PRSS22: variants seen among roughly 807,000 people sequenced by gnomAD.
The protein encoded by PRSS22 is brain-specific serine protease 4.
PRSS22 carries 26 observed loss-of-function variants against 28.0 expected under a neutral mutation model. That is an observed-to-expected ratio of 0.93 (90% confidence interval 0.68 to 1.29). PRSS22 has a LOEUF of 1.29. Among genes scored for constraint, PRSS22 ranks in the 50% most tolerant of loss-of-function variants. PRSS22 has a pLI of 0.00. For missense variants in PRSS22, 444 were observed against 422.1 expected, an observed-to-expected ratio of 1.05 and a Z score of -0.46; for synonymous variants, 217 against 177.9, an observed-to-expected ratio of 1.22 and a Z score of -1.75.
intron 4 of PRSS22, among the ~76,000 whole-genome samples, chr16:2,854,794 T>C (rs562234700): frequency 6.6e-6 from 1 of 152,198 alleles, no homozygotes; most frequent in Admixed American, 6.5e-5. Flanking sequence ...TTTGAGATGA[T>C]GTTTTCCAAA....
At chr16:2,854,303 T>C in intron 4 of PRSS22, 1 of 378,956 alleles carries the variant, frequency 2.6e-6, no homozygotes, top group South Asian at 3.8e-5. Context: ...TCTCAGATAC[T>C]GCATTACTTC....
At chr16:2,854,291 T>C in intron 4 of PRSS22, 1 of 416,554 alleles carries the variant, frequency 2.4e-6, no homozygotes, top group Non-Finnish European at 4.4e-6. Context: ...GAGCCCTTCC[T>C]GTCTCAGATA....
rs2069480595 is a variant in PRSS22, at chr16:2,858,093, A to G, written c.12T>C (p.Ser4=). MVV[S]GAPPALGGGC... ...CCCCACCCAGGGCTGGGGGCGCTCC[A>G]GAAACCACCATGGCTGGTGGGGCGG... The change falls in exon 1 of 6, where the codon TCT becomes TCC. Residue 4 remains serine, a synonymous_variant. Transcript: ENST00000161006. 1 of 1,269,214 alleles carries G rather than the reference A, an allele frequency of 7.9e-7. No individual in the cohort carries two copies. Among genetic ancestry groups the G allele is most frequent in the Non-Finnish European group, 1.0e-6 (1 of 999,830 alleles). 78.6% of individuals were successfully genotyped at this position (1,269,214 alleles called of 1,614,324 possible). A position where few individuals can be genotyped will look rare whatever the true frequency, so the allele number is the denominator to read the frequency against.
Position 2,853,175 on chromosome 16 carries a change from C to T in PRSS22, c.872G>A (p.Gly291Glu). The T allele has an allele frequency of 6.3e-7, 1 of 1,599,478 alleles. No homozygotes were observed. Among genetic ancestry groups the T allele is most frequent in the Non-Finnish European group, 8.5e-7 (1 of 1,179,680 alleles). Residue 291 changes from glycine to glutamate, a missense_variant, in exon 6 of 6, where the codon GGG (glycine) becomes GAG (glutamate). By Grantham distance (98) the Gly-to-Glu change is moderately conservative (BLOSUM62 -2). Coordinates refer to ENST00000161006, the MANE Select transcript of PRSS22 (RefSeq NM_022119.4). This position sits in a 1 kb window ranked among gnomAD's most constrained non-coding sequence, Gnocchi z 4.6. ...HRSWVEKIVQ[G>E]VQLRGRAQGG... ...CTGAGCGCGCCCGCGGAGCTGCACC[C>T]CTTGCACGATCTTCTCCACCCAGGA...
intron 1 of PRSS22, chr16:2,857,088 G>C (rs1293183962): frequency 1.0e-5 from 6 of 592,308 alleles, no homozygotes; most frequent in South Asian, 2.0e-5. Flanking sequence ...CCAGTACCCA[G>C]TGAGGAGGGT....
rs932119160 is a variant in PRSS22, at chr16:2,852,873, T to C, written c.*220A>G. On this transcript the variant is annotated 3_prime_UTR_variant, in exon 6 of 6. Coordinates refer to ENST00000161006, the MANE Select transcript of PRSS22 (RefSeq NM_022119.4). ...GCCGGAAGTCGTGGGGGCGGGGACA[T>C]GAGGCCGTTGGGCGGGGCCTGATGC... 7.9e-6 allele frequency: 4 copies of C among 505,508 alleles called. No homozygotes were observed. Among genetic ancestry groups the C allele is most frequent in the African/African-American group, 2.6e-5 (1 of 38,038 alleles). 31.3% of individuals were successfully genotyped at this position (505,508 alleles called of 1,614,324 possible).
At position 2,858,156 on chromosome 16, in the gene PRSS22, C is replaced by A. The variant is rs1158785993; in HGVS notation, c.-52G>T. The stretch of plus-strand genomic sequence containing the variant: ...CAGGCTCGAGAGACCCAGGGCGATG[C>A]GGGTCAGGGTGTGTAGGTTCCCTGC... On this transcript the variant is annotated 5_prime_UTR_variant, in exon 1 of 6. Coordinates refer to ENST00000161006, the MANE Select transcript of PRSS22 (RefSeq NM_022119.4). 5 of 1,247,470 alleles carry A rather than the reference C, an allele frequency of 4.0e-6. No homozygotes were observed. The highest frequency in any genetic ancestry group is 5.0e-6 in the Non-Finnish European group (5 of 991,510). The allele number at this position is 1,247,470 out of a possible 1,614,324, so 77.3% of individuals were successfully genotyped here.
At chr16:2,856,922 C>T (rs541710230) in intron 1 of PRSS22, 74 bp from the exon 2 acceptor site, 997 of 1,512,770 alleles carry the variant, frequency 6.6e-4, no homozygotes, top group Non-Finnish European at 8.5e-4. Context: ...CCTCAACGCC[C>T]AGTGAGGAAG....
Position 2,855,663 on chromosome 16 carries a change from A to G in PRSS22, c.470T>C (p.Val157Ala). The change falls in exon 4 of 6, where the codon GTC becomes GCC. Residue 157 changes from valine (V) to alanine (A), a missense_variant. Transcript: ENST00000161006. ...LERSIQFSER[V>A]LPICLPDASI... The stretch of plus-strand genomic sequence containing the variant: ...GGCATCAGGTAGGCAGATGGGCAGG[A>G]CCCGCTCTGAGAACTGTATGGAGCG... 2 of 1,614,030 alleles carry G rather than the reference A, an allele frequency of 1.2e-6. No individual in the cohort carries two copies. Among genetic ancestry groups the G allele is most frequent in the East Asian group, 2.2e-5 (1 of 44,872 alleles).
chr16:2,855,851 G>T lies in PRSS22; in HGVS notation c.282C>A (p.Asp94Glu). The change falls in exon 4 of 6, where the codon GAC (aspartate) becomes GAA (glutamate). Residue 94 changes from aspartate to glutamate, a missense_variant and splice_region_variant. Transcript: ENST00000161006. ...AGAACAGGTATGGTTTGTTCAGGTT[G>T]CTGGAAGGAAAGGGAAGGGGAGGAT... ...WVITAAHCFK[D>E]NLNKPYLFSV... The T allele has an allele frequency of 6.2e-7, 1 of 1,610,440 alleles. No individual in the cohort carries two copies. Among genetic ancestry groups the T allele is most frequent in the Non-Finnish European group, 8.5e-7 (1 of 1,179,006 alleles).
chr16:2,855,354 A>T (rs1375111155), intron 4 of PRSS22, among the ~76,000 whole-genome samples: 1 of 146,340 alleles, frequency 6.8e-6, no homozygotes, highest in Non-Finnish European at 1.5e-5. Flanking sequence ...TCTCAAAAAA[A>T]AAAAAAAAAA....
rs1567291587 is a variant in PRSS22 at position 2,857,260 on chromosome 16, GTCCCCAGCGCCCAGTGAGGAGGGC to G, written c.83-436_83-413del. The stretch of plus-strand genomic sequence containing the variant: ...GTTCCCCAGCGCCCAGTGAGGAGGG[GTCCCCAGCGCCCAGTGAGGAGGGC>G]TCCCCAGCGCCCAGTGAGGAGGGGT... On this transcript the variant is annotated intron_variant, in intron 1 of 5. Coordinates refer to ENST00000161006, the MANE Select transcript of PRSS22 (RefSeq NM_022119.4). The G allele has an allele frequency of 2.9e-3, 431 of 151,160 alleles. 2 individuals carry two copies. The highest frequency in any genetic ancestry group is 0.013 in the African/African-American group (345 of 25,646). The allele number at this position is 151,160 out of a possible 1,614,324, so 9.4% of individuals were successfully genotyped here.
chr16:2,852,907 C>T lies in PRSS22; in HGVS notation c.*186G>A, dbSNP rs1406240022. 158 of 517,066 alleles carry T rather than the reference C, an allele frequency of 3.1e-4. No individual in the cohort carries two copies. The highest frequency in any genetic ancestry group is 4.4e-4 in the Non-Finnish European group (136 of 308,510). The allele number at this position is 517,066 out of a possible 1,614,324, so 32.0% of individuals were successfully genotyped here. ...TGGGCGGGGCCTGATGCCTTGGAGG[C>T]GGGGCCTGAGGCCGTCGGGCGGGTC... On this transcript the variant is annotated 3_prime_UTR_variant, in exon 6 of 6. Coordinates refer to ENST00000161006, the MANE Select transcript of PRSS22 (RefSeq NM_022119.4).
At position 2,855,783 on chromosome 16, in the gene PRSS22, C is replaced by G. The variant is rs143806431; in HGVS notation, c.350G>C (p.Arg117Pro). The change falls in exon 4 of 6, where the codon CGG (arginine) becomes CCG (proline). Residue 117 changes from arginine (R) to proline (P), a missense_variant. Arg to Pro is a moderately radical substitution (Grantham distance 103, BLOSUM62 -2). Coordinates refer to ENST00000161006, the MANE Select transcript of PRSS22 (RefSeq NM_022119.4). The stretch of plus-strand genomic sequence containing the variant: ...CCAGGCAACACCCACCTTCTGGGAC[C>G]GAGAGCCAGGGTTCCCCAGCTGCCA... Reference protein sequence around the residue: ...GAWQLGNPGSRSQKVGVAWVE... With the variant: ...GAWQLGNPGSPSQKVGVAWVE... 4.3e-6 allele frequency: 7 copies of G among 1,613,882 alleles called. No homozygotes were observed. Among genetic ancestry groups the G allele is most frequent in the African/African-American group, 1.3e-5 (1 of 74,880 alleles).
chr16:2,857,970 G>C (rs1199175057), intron 1 of PRSS22, 53 bp downstream of exon 1: 11 of 1,226,656 alleles, frequency 9.0e-6, no homozygotes, highest in Non-Finnish European at 1.1e-5. Flanking sequence ...GAGGGAAGGA[G>C]GGAAGGAGGG....
chr16:2,857,940 C>T, intron 1 of PRSS22, 83 bp downstream of exon 1: 1 of 1,070,840 alleles, frequency 9.3e-7, no homozygotes, highest in Non-Finnish European at 1.2e-6. Context: ...AGAGGCAAGG[C>T]CAGGAGGGAG....
intron 2 of PRSS22, 80 bp from the exon 3 acceptor site, chr16:2,856,333 C>A (rs2069456743): frequency 1.4e-6 from 2 of 1,454,124 alleles, no homozygotes; most frequent in African/African-American, 1.4e-5. Context: ...GCCTGCACCC[C>A]AAGCTTTGCC....
chr16:2,857,735 A>G (rs1307756852), intron 1 of PRSS22: 1 of 309,710 alleles, frequency 3.2e-6, no homozygotes, highest in Non-Finnish European at 5.9e-6. Flanking sequence ...AGAGGCAAGC[A>G]GCGGAGGACG....
intron 2 of PRSS22, 120 bp from the exon 3 acceptor site, chr16:2,856,373 G>A: frequency 9.9e-7 from 1 of 1,009,042 alleles, no homozygotes; most frequent in Non-Finnish European, 1.5e-6. Flanking sequence ...ATGTCCCCAA[G>A]CTCTACCCAC....
Sources: allele counts gnomAD v4.1 joint callset (sites outside exome capture counted in the v4.1 genomes callset), GRCh38; gene constraint gnomAD v4.1.1; non-coding constraint Gnocchi (gnomAD v3.1); transcripts MANE v1.5; gene names NCBI Gene and HGNC (gene_info 2026-07-23, HGNC 2026-07-21).